PIAS1: variants seen among roughly 807,000 people sequenced by gnomAD.
The protein encoded by PIAS1 is protein inhibitor of activated STAT 1, also known as E3 SUMO-protein ligase PIAS1.
Under a neutral mutation model 71.3 loss-of-function variants are expected in PIAS1, and 6 were observed. That is an observed-to-expected ratio of 0.08 (90% CI 0.05 to 0.17). The LOEUF is 0.17. Ranked by LOEUF, PIAS1 falls within the 10% of genes least tolerant of loss-of-function variation. PIAS1 has a pLI of 1.00. For synonymous variants in PIAS1, 303 were observed against 292.9 expected (o/e 1.03, Z -0.35); for missense variants, 555 against 793.6 (o/e 0.70, Z 3.61).
chr15:68,151,053 CAGTATAATATAATATAATAT>C (rs1457418077), intron 6 of PIAS1, among the ~76,000 whole-genome samples: 1 of 151,008 alleles, frequency 6.6e-6, no homozygotes, highest in Non-Finnish European at 1.5e-5. Context: ...ACAAAACTAT[CAGTATAATATAATATAATAT>C]AGTATAATAT....
chr15:68,153,544 A>G lies in PIAS1; in HGVS notation c.829-46A>G, dbSNP rs750215294. ...ATGGTGAGATTAAAATAGATGTACT[A>G]TTTACTTACATATGTTGTTTGTTTT... On this transcript the variant is annotated intron_variant, in intron 6 of 13. Coordinates refer to ENST00000249636, the MANE Select transcript of PIAS1 (RefSeq NM_016166.3). 5 of 839,428 alleles carry G rather than the reference A, an allele frequency of 6.0e-6. No homozygotes were observed. The South Asian group carries it at 6.0e-5, about 10-fold the overall frequency. The allele number at this position is 839,428 out of a possible 1,614,324, so 52.0% of individuals were successfully genotyped here. A position where few individuals can be genotyped will look rare whatever the true frequency, so the allele number is the denominator to read the frequency against.
intron 1 of PIAS1, among the ~76,000 whole-genome samples, chr15:68,084,164 G>A (rs1789422313): frequency 6.6e-6 from 1 of 152,144 alleles, no homozygotes; most frequent in African/African-American, 2.4e-5. Flanking sequence ...TCAATGCAGA[G>A]TTTACAGTAG....
At chr15:68,134,899 C>T (rs1167599347) in intron 2 of PIAS1, among the ~76,000 whole-genome samples, 2 of 52,006 alleles carry the variant, frequency 3.8e-5, no homozygotes, top group African/African-American at 8.0e-5. Context: ...AGGGGCTCCC[C>T]ACCTCCCAGC....
chr15:68,167,436 C>G lies in PIAS1; in HGVS notation c.1008+2632C>G, dbSNP rs979467961. On this transcript the variant is annotated intron_variant, in intron 8 of 13. Coordinates refer to ENST00000249636, the MANE Select transcript of PIAS1 (RefSeq NM_016166.3). The surrounding 1 kb of genome is among the most constrained non-coding windows in gnomAD (Gnocchi z 4.4). ...ATGTCTCACTGTGCATTACAGTTGCCCTTGTGATGTACAGAGCTCAAAATA... is the reference window on the plus strand; with the variant it reads ...ATGTCTCACTGTGCATTACAGTTGCGCTTGTGATGTACAGAGCTCAAAATA... 2.6e-5 allele frequency among the ~76,000 whole-genome samples: 4 copies of G among 151,870 alleles called. No homozygotes were observed. Among genetic ancestry groups the G allele is most frequent in the Non-Finnish European group, 5.9e-5 (4 of 67,980 alleles).
At chr15:68,183,750 A>G in intron 13 of PIAS1, 83 bp downstream of exon 13, 1 of 620,460 alleles carries the variant, frequency 1.6e-6, no homozygotes, top group East Asian at 3.0e-5. Flanking sequence ...TTGGTCAATG[A>G]CAGGCCATAT....
intron 2 of PIAS1, among the ~76,000 whole-genome samples, chr15:68,133,406 A>G (rs1291049622): frequency 6.6e-6 from 1 of 152,120 alleles, no homozygotes; most frequent in Non-Finnish European, 1.5e-5. Context: ...AATCATAACA[A>G]AAAGATTTGG....
At chr15:68,073,666 G>A in intron 1 of PIAS1, among the ~76,000 whole-genome samples, 1 of 152,144 alleles carries the variant, frequency 6.6e-6, no homozygotes. Context: ...GCTTCTCCTT[G>A]AAAGAACAGC....
chr15:68,097,888 T>C (rs150056344), intron 2 of PIAS1, among the ~76,000 whole-genome samples: 70 of 152,366 alleles, frequency 4.6e-4, no homozygotes, highest in Admixed American at 2.2e-3. Flanking sequence ...TGACCTATGC[T>C]ACCTCCTAGA....
At chr15:68,083,543 A>G (rs942400946) in intron 1 of PIAS1, among the ~76,000 whole-genome samples, 2 of 152,202 alleles carry the variant, frequency 1.3e-5, no homozygotes, top group African/African-American at 4.8e-5. Context: ...ATTGAGTTAA[A>G]TAAATTAATC....
chr15:68,126,793 A>G (rs982478198), intron 2 of PIAS1, among the ~76,000 whole-genome samples: 9 of 148,946 alleles, frequency 6.0e-5, no homozygotes, highest in Admixed American at 3.3e-4. Context: ...TTGGAAATTT[A>G]TCTAATTGTT....
In PIAS1 at chr15:68,173,238, C is replaced by G. The variant is rs2093002618; in HGVS notation, c.1009-494C>G. Among the ~76,000 whole-genome samples, 1 of 152,066 alleles carries G rather than the reference C, an allele frequency of 6.6e-6. No individual in the cohort carries two copies. On this transcript the variant is annotated intron_variant, in intron 8 of 13. Transcript: ENST00000249636. The surrounding 1 kb of genome is among the most constrained non-coding windows in gnomAD (Gnocchi z 4.3). ...GGCACAGTGGTGTGCGCCTGTATCCCCAGCTACTCTGGAGGCTGAGGCAGG... is the reference window on the plus strand; with the variant it reads ...GGCACAGTGGTGTGCGCCTGTATCCGCAGCTACTCTGGAGGCTGAGGCAGG...
At chr15:68,098,356 A>T (rs911402611) in intron 2 of PIAS1, among the ~76,000 whole-genome samples, 1 of 152,192 alleles carries the variant, frequency 6.6e-6, no homozygotes, top group African/African-American at 2.4e-5. Context: ...TATTAAGTGG[A>T]TCATTATAAA....
intron 2 of PIAS1, among the ~76,000 whole-genome samples, chr15:68,112,069 A>G (rs1159372918): frequency 6.6e-6 from 1 of 152,166 alleles, no homozygotes; most frequent in East Asian, 1.9e-4. Flanking sequence ...ATCAGAAGAT[A>G]ACTTATAAAG....
intron 1 of PIAS1, among the ~76,000 whole-genome samples, chr15:68,062,238 A>G (rs1336583474): frequency 6.6e-6 from 1 of 152,202 alleles, no homozygotes; most frequent in Non-Finnish European, 1.5e-5. Flanking sequence ...TTCTCATTGT[A>G]ATGATCTAAC....
intron 2 of PIAS1, among the ~76,000 whole-genome samples, chr15:68,108,771 CTCTTT>C (rs2092495853): frequency 2.0e-5 from 3 of 152,254 alleles, no homozygotes; most frequent in East Asian, 1.9e-4. Flanking sequence ...CCTGACTCTT[CTCTTT>C]TGTTATGTTC....
intron 7 of PIAS1, chr15:68,154,098 AT>A (rs1261573765): frequency 6.2e-6 from 1 of 161,172 alleles, no homozygotes; most frequent in Non-Finnish European, 1.4e-5. Context: ...GGTGGTAGAA[AT>A]AATAATTCTG....
Position 68,156,782 on chromosome 15 carries a change from A to G in PIAS1, c.934+3087A>G, listed in dbSNP as rs1440166073. 2.0e-5 allele frequency among the ~76,000 whole-genome samples: 3 copies of G among 151,920 alleles called. No individual in the cohort carries two copies. The East Asian group carries it at 5.8e-4, about 29-fold the overall frequency. On this transcript the variant is annotated intron_variant, in intron 7 of 13. Coordinates refer to ENST00000249636, the MANE Select transcript of PIAS1 (RefSeq NM_016166.3). ...AGGGTGACCAGAGAGTTGGACAGGT[A>G]TAAGTTGACATAGACGATATGAAGA...
chr15:68,146,567 G>C lies in PIAS1; in HGVS notation c.695G>C (p.Gly232Ala). 6.2e-7 allele frequency: 1 copy of C among 1,609,400 alleles called. No homozygotes were observed. Among genetic ancestry groups the C allele is most frequent in the Non-Finnish European group, 8.5e-7 (1 of 1,176,744 alleles). Residue 232 changes from glycine (G) to alanine (A), a missense_variant and splice_region_variant, in exon 6 of 14, where the codon GGT becomes GCT. By Grantham distance (60) the Gly-to-Ala change is moderately conservative. Coordinates refer to ENST00000249636, the MANE Select transcript of PIAS1 (RefSeq NM_016166.3). ...KVNTKPCSLP[G>A]YLPPTKNGVE... ...AAATAAATTACATTTCATTTTTAGG[G>C]TTACCTTCCACCTACAAAAAATGGC...
intron 6 of PIAS1, 41 bp downstream of exon 6, chr15:68,146,741 G>T (rs768644490): frequency 6.6e-7 from 1 of 1,508,242 alleles, no homozygotes; most frequent in Non-Finnish European, 9.2e-7. Flanking sequence ...TGTATTATAA[G>T]GAGGGGTTAA....
Sources: gnomAD v4.1 joint callset for allele counts (sites outside exome capture counted in the v4.1 genomes callset) on GRCh38, gnomAD v4.1.1 for gene constraint, Gnocchi (gnomAD v3.1) non-coding constraint, MANE v1.5 for transcripts, NCBI Gene and HGNC (gene_info 2026-07-23, HGNC 2026-07-21) for gene names.